BCLAF1: variants seen among roughly 807,000 people sequenced by gnomAD.
BCLAF1 encodes the protein BCL2 associated transcription factor 1, also known as bcl-2-associated transcription factor 1.
In BCLAF1, 10 loss-of-function variants were observed where a neutral mutation model predicts 99.5. That is an observed-to-expected ratio of 0.10 (90% CI 0.06 to 0.17). BCLAF1 has a LOEUF of 0.17. Ranked by LOEUF, BCLAF1 falls within the 10% of genes least tolerant of loss-of-function variation. BCLAF1 has a pLI of 1.00. For synonymous variants in BCLAF1, 255 were observed against 370.9 expected (o/e 0.69, Z 3.59); for missense variants, 636 against 1,105.8 (o/e 0.58, Z 6.02).
rs1783169918 is a variant in BCLAF1, at chr6:136,275,569, A to G, written c.1815T>C (p.Phe605=). Residue 605 remains phenylalanine (F), a synonymous_variant, in exon 6 of 13, where the codon TTT becomes TTC. Coordinates refer to ENST00000531224, the MANE Select transcript of BCLAF1 (RefSeq NM_014739.3). ...PQASKSTSES[F]IQHIVSLVHH... ...GAACCAAGGACACAATGTGTTGAAT[A>G]AATGACTCTGAAGTGCTTTTGCTGG... is the stretch of plus-strand genomic sequence containing the variant. The G allele has an allele frequency of 6.3e-7, 1 of 1,580,058 alleles. No homozygotes were observed. The highest frequency in any genetic ancestry group is 8.6e-7 in the Non-Finnish European group (1 of 1,166,794).
chr6:136,273,842 C>T (rs1318738948), intron 6 of BCLAF1: 1 of 478,184 alleles, frequency 2.1e-6, no homozygotes, highest in Non-Finnish European at 2.8e-6. Flanking sequence ...TTTTTAAAAC[C>T]AGTTCAAGAT....
chr6:136,262,602 T>C (rs1166801034), intron 11 of BCLAF1, among the ~76,000 whole-genome samples: 1 of 152,148 alleles, frequency 6.6e-6, no homozygotes, highest in African/African-American at 2.4e-5. Flanking sequence ...AATCTATCTT[T>C]ACCAAACCAC....
rs1455817905 is a variant in BCLAF1, at chr6:136,276,108, T to C, written c.1417A>G (p.Thr473Ala). ...ETGYVVERPS[T>A]TKDKHKEEDK... ...TCTTCTTTGTGCTTATCTTTTGTAGTGCTAGGCCTTTCCACTACATATCCA... is the reference window on the plus strand; with the variant it reads ...TCTTCTTTGTGCTTATCTTTTGTAGCGCTAGGCCTTTCCACTACATATCCA... Residue 473 changes from threonine to alanine, a missense_variant, in exon 5 of 13, where the codon ACT becomes GCT. Physicochemically the swap from Thr to Ala is moderately conservative, Grantham distance 58 (BLOSUM62 0). Transcript: ENST00000531224. 1 of 1,612,294 alleles carries C rather than the reference T, an allele frequency of 6.2e-7. No homozygotes were observed.
At position 136,261,408 on chromosome 6, in the gene BCLAF1, C is replaced by A; in HGVS notation, c.2614G>T (p.Gly872Cys). ...RGRGRGTFQR[G>C]RGRFNFKKSG... Reference sequence around the variant, plus strand: ...TTTTTGAAGTTAAAGCGCCCTCTGCCACGTTGAAAAGTACCACGACCTCTT... The same window carrying A: ...TTTTTGAAGTTAAAGCGCCCTCTGCAACGTTGAAAAGTACCACGACCTCTT... Residue 872 changes from glycine (G) to cysteine (C), a missense_variant, in exon 12 of 13, where the codon GGC (glycine) becomes TGC (cysteine). Physicochemically the swap from Gly to Cys is radical, Grantham distance 159. Transcript: ENST00000531224. 6.2e-7 allele frequency: 1 copy of A among 1,613,814 alleles called. No homozygotes were observed. Among genetic ancestry groups the A allele is most frequent in the Non-Finnish European group, 8.5e-7 (1 of 1,179,882 alleles).
Position 136,267,067 on chromosome 6 carries a change from C to T in BCLAF1, c.2506G>A (p.Asp836Asn), listed in dbSNP as rs1417547401. The change falls in exon 11 of 13, where the codon GAT becomes AAT. Residue 836 changes from aspartate to asparagine, a missense_variant. This residue lies in a region of BCLAF1 where 57 missense variants were observed against 116.7 expected (regional missense o/e 0.49). Transcript: ENST00000531224. ...FQKRPKEEEW[D>N]PEYTPKSKKY... ...TTGCTCTTTGGGGTATATTCTGGAT[C>T]CCATTCCTCTTCCTTCGGTCTCTTT... 2 of 1,612,982 alleles carry T rather than the reference C, an allele frequency of 1.2e-6. No individual in the cohort carries two copies. The highest frequency in any genetic ancestry group is 1.7e-6 in the Non-Finnish European group (2 of 1,179,360).
intron 10 of BCLAF1, 58 bp from the exon 11 acceptor site, chr6:136,267,233 C>A: frequency 6.5e-7 from 1 of 1,545,794 alleles, no homozygotes; most frequent in Non-Finnish European, 8.8e-7. Context: ...TAGTTACATG[C>A]AAATTCTAAT....
chr6:136,279,207 A>T (rs1784023589), intron 3 of BCLAF1, among the ~76,000 whole-genome samples: 1 of 152,176 alleles, frequency 6.6e-6, no homozygotes, highest in Non-Finnish European at 1.5e-5. Flanking sequence ...CATACATAAT[A>T]TAAAGTTAAG....
rs1181669018 is a variant in BCLAF1 at position 136,279,855 on chromosome 6, G to A, written c.12C>T (p.Ser4=). The change falls in exon 3 of 13, where the codon TCC becomes TCT. Residue 4 remains serine, a synonymous_variant. Coordinates refer to ENST00000531224, the MANE Select transcript of BCLAF1 (RefSeq NM_014739.3). MGR[S]NSRSHSSRSK... ...ACCTTGAAGAATGTGATCTAGAATTGGAGCGACCCATTTCTTTTCTCCTAA... is the reference window on the plus strand; with the variant it reads ...ACCTTGAAGAATGTGATCTAGAATTAGAGCGACCCATTTCTTTTCTCCTAA... 19 of 1,535,996 alleles carry A rather than the reference G, an allele frequency of 1.2e-5. No homozygotes were observed. The highest frequency in any genetic ancestry group is 1.7e-5 in the Non-Finnish European group (19 of 1,137,578).
At chr6:136,279,558 T>G (rs1334533760) in intron 3 of BCLAF1, 3 of 407,436 alleles carry the variant, frequency 7.4e-6, no homozygotes, top group Non-Finnish European at 7.7e-6. Flanking sequence ...ACTAACTGGA[T>G]TTCAATCCAA....
chr6:136,289,823 G>A lies in BCLAF1; in HGVS notation c.-225C>T, dbSNP rs921075161. The A allele has an allele frequency of 6.5e-6, 1 of 152,710 alleles. No homozygotes were observed. The highest frequency in any genetic ancestry group is 1.5e-5 in the Non-Finnish European group (1 of 68,054). 9.5% of individuals were successfully genotyped at this position (152,710 alleles called of 1,614,324 possible). On this transcript the variant is annotated 5_prime_UTR_variant, in exon 1 of 13. Coordinates refer to ENST00000531224, the MANE Select transcript of BCLAF1 (RefSeq NM_014739.3). ...CCATAGAGCTACCTTCGACGCGCTA[G>A]CACGTCTCCGTCACTTCCGATCTGG... is the stretch of plus-strand genomic sequence containing the variant.
At chr6:136,267,542 T>C (rs1781885431) in intron 10 of BCLAF1, among the ~76,000 whole-genome samples, 1 of 151,920 alleles carries the variant, frequency 6.6e-6, no homozygotes, top group Non-Finnish European at 1.5e-5. Flanking sequence ...AGCAAAGCTC[T>C]TCTCTTTCCC....
chr6:136,285,801 T>C (rs1400151686), intron 1 of BCLAF1, among the ~76,000 whole-genome samples: 2 of 152,126 alleles, frequency 1.3e-5, no homozygotes, highest in Non-Finnish European at 2.9e-5. Flanking sequence ...AGAAACCAGC[T>C]AGAAAACAAT....
chr6:136,271,641 C>T (rs753346583), intron 8 of BCLAF1, among the ~76,000 whole-genome samples: 1 of 151,926 alleles, frequency 6.6e-6, no homozygotes, highest in Non-Finnish European at 1.5e-5. Flanking sequence ...TTTAGACACA[C>T]AAATCGAGAA....
intron 1 of BCLAF1, among the ~76,000 whole-genome samples, chr6:136,287,607 T>A (rs1785323123): frequency 6.6e-6 from 1 of 152,192 alleles, no homozygotes. Context: ...AACTACTGAT[T>A]TCCAACGTAG....
chr6:136,275,121 T>G (rs981029504), intron 6 of BCLAF1, among the ~76,000 whole-genome samples: 2 of 152,134 alleles, frequency 1.3e-5, no homozygotes, highest in Non-Finnish European at 2.9e-5. Context: ...CTTAGAAATA[T>G]TCAATAACAA....
chr6:136,266,640 A>T (rs1781753404), intron 11 of BCLAF1, among the ~76,000 whole-genome samples: 1 of 151,996 alleles, frequency 6.6e-6, no homozygotes, highest in Non-Finnish European at 1.5e-5. Context: ...TGAAAAAATT[A>T]TTCTCCTTTT....
chr6:136,257,132 T>C lies in BCLAF1; in HGVS notation c.*3978A>G, dbSNP rs1780518916. 6.6e-6 allele frequency: 1 copy of C among 152,196 alleles called. No homozygotes were observed. The highest frequency in any genetic ancestry group is 1.5e-5 in the Non-Finnish European group (1 of 68,022). 9.4% of individuals were successfully genotyped at this position (152,196 alleles called of 1,614,324 possible). A position where few individuals can be genotyped will look rare whatever the true frequency, so the allele number is the denominator to read the frequency against. ...CATTAAAGCCTGCTCACCCAACCTT[T>C]TTCTATTTTCAAGAATATTACCTTC... On this transcript the variant is annotated 3_prime_UTR_variant, in exon 13 of 13. Coordinates refer to ENST00000531224, the MANE Select transcript of BCLAF1 (RefSeq NM_014739.3).
chr6:136,265,545 TAAAAGTA>T (rs947210099), intron 11 of BCLAF1, among the ~76,000 whole-genome samples: 1 of 152,138 alleles, frequency 6.6e-6, no homozygotes, highest in African/African-American at 2.4e-5. Flanking sequence ...TCTATTTTCT[TAAAAGTA>T]TTAAGACCTT....
intron 6 of BCLAF1, among the ~76,000 whole-genome samples, chr6:136,275,208 C>T (rs1783105762): frequency 6.6e-6 from 1 of 152,056 alleles, no homozygotes; most frequent in South Asian, 2.1e-4. Flanking sequence ...TATCTGTAAG[C>T]CTTCTGCACT....
Sources: gnomAD v4.1 joint callset for allele counts (sites outside exome capture counted in the v4.1 genomes callset) on GRCh38, gnomAD v4.1.1 for gene constraint, gnomAD v4.1.1 regional missense constraint, MANE v1.5 for transcripts, NCBI Gene and HGNC (gene_info 2026-07-23, HGNC 2026-07-21) for gene names.